Variants in TRIM33 observed in about 807,000 individuals in gnomAD.
TRIM33 encodes tripartite motif containing 33.
A neutral mutation model predicts 125.4 loss-of-function variants in TRIM33; 20 were observed. That is an observed-to-expected ratio of 0.16 (90% CI 0.11 to 0.23). The LOEUF (loss-of-function observed/expected upper bound fraction) is 0.23, where lower values mean the gene tolerates loss of function less well. Ranked by LOEUF, TRIM33 falls within the 10% of genes least tolerant of loss-of-function variation. The pLI is 1.00. For synonymous variants in TRIM33, 564 were observed against 513.9 expected (o/e 1.10, Z -1.32); for missense variants, 920 against 1,411.4 (o/e 0.65, Z 5.58).
chr1:114,425,727 A>G lies in TRIM33; in HGVS notation c.1421-4T>C, dbSNP rs1367971895. 1.9e-6 allele frequency: 3 copies of G among 1,573,440 alleles called. No homozygotes were observed. The highest frequency in any genetic ancestry group is 2.6e-6 in the Non-Finnish European group (3 of 1,157,902). ...TTACTCTCTATTACTAGATTACCTG[A>G]AAAATTTAAAAAATGAGAATTTGCA... On this transcript the variant is annotated splice_region_variant and splice_polypyrimidine_tract_variant and intron_variant, in intron 8 of 19. Coordinates refer to ENST00000358465, the MANE Select transcript of TRIM33 (RefSeq NM_015906.4).
chr1:114,454,664 A>G (rs1240490707), intron 4 of TRIM33, among the ~76,000 whole-genome samples: 1 of 146,134 alleles, frequency 6.8e-6, no homozygotes, highest in Non-Finnish European at 1.5e-5. Flanking sequence ...CAATAGCACA[A>G]GACTCCTCTA....
At chr1:114,473,695 T>C (rs573496395) in intron 1 of TRIM33, among the ~76,000 whole-genome samples, 3 of 152,240 alleles carry the variant, frequency 2.0e-5, no homozygotes, top group South Asian at 2.1e-4. Context: ...CACACTGACA[T>C]TGATTCTTTG....
At chr1:114,460,568 G>A (rs1040835521) in intron 4 of TRIM33, among the ~76,000 whole-genome samples, 1 of 108,228 alleles carries the variant, frequency 9.2e-6, no homozygotes. Flanking sequence ...AACACCCCCC[G>A]CCACCTTTTT....
intron 1 of TRIM33, among the ~76,000 whole-genome samples, chr1:114,482,151 T>C (rs1651399923): frequency 6.6e-6 from 1 of 152,292 alleles, no homozygotes; most frequent in Admixed American, 6.5e-5. Context: ...GTGACAACAG[T>C]GACTAAGGAA....
intron 4 of TRIM33, among the ~76,000 whole-genome samples, chr1:114,439,650 G>A (rs1014263397): frequency 6.6e-6 from 1 of 151,552 alleles, no homozygotes; most frequent in South Asian, 2.1e-4. Context: ...TAGTAGTTAC[G>A]GATAAAAGTT....
At chr1:114,486,289 G>T (rs1036060464) in intron 1 of TRIM33, among the ~76,000 whole-genome samples, 1 of 151,154 alleles carries the variant, frequency 6.6e-6, no homozygotes, top group African/African-American at 2.4e-5. Context: ...ACGGCAATAC[G>T]AATGTCCTTA....
intron 1 of TRIM33, among the ~76,000 whole-genome samples, chr1:114,487,898 C>T (rs1188234759): frequency 4.9e-5 from 5 of 101,464 alleles, no homozygotes; most frequent in South Asian, 3.2e-4. Flanking sequence ...AGCGAGACTC[C>T]GTCTCAAAAA....
At chr1:114,474,170 G>A (rs1244043247) in intron 1 of TRIM33, among the ~76,000 whole-genome samples, 1 of 151,948 alleles carries the variant, frequency 6.6e-6, no homozygotes, top group Non-Finnish European at 1.5e-5. Flanking sequence ...CAAAGTGCTG[G>A]GATTACAGGC....
chr1:114,510,738 C>A lies in TRIM33; in HGVS notation c.339G>T (p.Pro113=), dbSNP rs1178429083. 6.6e-7 allele frequency: 1 copy of A among 1,525,592 alleles called. No individual in the cohort carries two copies. The highest frequency in any genetic ancestry group is 8.8e-7 in the Non-Finnish European group (1 of 1,140,982). 94.5% of individuals were successfully genotyped at this position (1,525,592 alleles called of 1,614,324 possible). The stretch of plus-strand genomic sequence containing the variant: ...GGAGCGAGGCTGGCGGTCCAGGAGG[C>A]GGCCCTGCCGAGGGACCCGGAGCGG... ...SAPAPGPSAG[P]PPGPPASLLD... is the part of the protein sequence containing the mutation. Residue 113 remains proline, a synonymous_variant, in exon 1 of 20, where the codon CCG becomes CCT. Coordinates refer to ENST00000358465, the MANE Select transcript of TRIM33 (RefSeq NM_015906.4).
intron 1 of TRIM33, among the ~76,000 whole-genome samples, chr1:114,501,010 A>G (rs10858045): frequency 1 from 111,910 of 112,238 alleles, 55,810 homozygotes; most frequent in East Asian, 1. Context: ...CTAACACGGT[A>G]AAACCCCGTC....
chr1:114,419,819 T>A (rs1653165434), intron 11 of TRIM33, among the ~76,000 whole-genome samples: 1 of 152,242 alleles, frequency 6.6e-6, no homozygotes, highest in African/African-American at 2.4e-5. Flanking sequence ...TGTTTCACCA[T>A]AGTAACCAGT....
intron 1 of TRIM33, among the ~76,000 whole-genome samples, chr1:114,497,202 T>C (rs1208185790): frequency 1.3e-5 from 2 of 152,242 alleles, no homozygotes; most frequent in Non-Finnish European, 2.9e-5. Flanking sequence ...CTACTCAATT[T>C]TCCCATTATA....
At position 114,424,774 on chromosome 1, in the gene TRIM33, G is replaced by A; in HGVS notation, c.1696-19C>T. On this transcript the variant is annotated intron_variant, in intron 9 of 19. Coordinates refer to ENST00000358465, the MANE Select transcript of TRIM33 (RefSeq NM_015906.4). ...GAGGAGGCTACAAAAAGTAGAAATT[G>A]CAATTTATGTAATAATTTTAAAATA... 7.0e-7 allele frequency: 1 copy of A among 1,434,474 alleles called. No individual in the cohort carries two copies. The highest frequency in any genetic ancestry group is 9.2e-7 in the Non-Finnish European group (1 of 1,081,140). The allele number at this position is 1,434,474 out of a possible 1,614,324, so 88.9% of individuals were successfully genotyped here.
intron 4 of TRIM33, among the ~76,000 whole-genome samples, chr1:114,449,673 G>A (rs1344291943): frequency 1.3e-5 from 2 of 152,024 alleles, no homozygotes; most frequent in Non-Finnish European, 2.9e-5. Context: ...TCTTAAAAGT[G>A]ACTATTCATT....
At chr1:114,500,909 G>GAGGGACTT (rs1570678933) in intron 1 of TRIM33, among the ~76,000 whole-genome samples, 1 of 134,194 alleles carries the variant, frequency 7.5e-6, no homozygotes, top group Non-Finnish European at 1.6e-5. Context: ...AAGAATTTGG[G>GAGGGACTT]GCCGGGCGCG....
chr1:114,498,985 T>C (rs534667363), intron 1 of TRIM33, among the ~76,000 whole-genome samples: 9 of 151,824 alleles, frequency 5.9e-5, no homozygotes, highest in African/African-American at 2.2e-4. Flanking sequence ...ATCCAAGACA[T>C]AAAAAGATAA....
intron 4 of TRIM33, among the ~76,000 whole-genome samples, chr1:114,443,614 T>C (rs1304035396): frequency 6.6e-6 from 1 of 152,190 alleles, no homozygotes; most frequent in Admixed American, 6.5e-5. Context: ...ATAAACTATC[T>C]TACTCTTTAA....
At chr1:114,472,527 G>A (rs1650710760) in intron 1 of TRIM33, among the ~76,000 whole-genome samples, 1 of 152,138 alleles carries the variant, frequency 6.6e-6, no homozygotes. Context: ...CAGTCTAGGA[G>A]TTTGAGATCA....
At chr1:114,499,032 C>T in intron 1 of TRIM33, among the ~76,000 whole-genome samples, 1 of 151,698 alleles carries the variant, frequency 6.6e-6, no homozygotes, top group Admixed American at 6.6e-5. Context: ...CAAATGAAAC[C>T]CAACTGGGGT....
Sources: allele counts gnomAD v4.1 joint callset (sites outside exome capture counted in the v4.1 genomes callset), GRCh38; gene constraint gnomAD v4.1.1; transcripts MANE v1.5; gene names NCBI Gene and HGNC (gene_info 2026-07-23, HGNC 2026-07-21).